SLC9B1: variants seen among roughly 807,000 people sequenced by gnomAD.
The protein encoded by SLC9B1 is solute carrier family 9 member B1.
Under a neutral mutation model 51.7 loss-of-function variants are expected in SLC9B1, and 32 were observed. The ratio of observed to expected loss-of-function variants is 0.62; its 90% confidence interval spans 0.47 to 0.83. The LOEUF is 0.83. Ranked by LOEUF, SLC9B1 falls within the 40% of genes least tolerant of loss-of-function variation. SLC9B1 has a pLI of 0.00. For synonymous variants in SLC9B1, 145 were observed against 212.7 expected, an observed-to-expected ratio of 0.68 and a Z score of 2.77; for missense variants, 406 against 613.2, an observed-to-expected ratio of 0.66 and a Z score of 3.57.
chr4:102,913,796 T>TAAAA (rs61244946), intron 7 of SLC9B1, among the ~76,000 whole-genome samples: 1 of 71,434 alleles, frequency 1.4e-5, no homozygotes, highest in Admixed American at 1.5e-4. Context: ...AGATAGAAAC[T>TAAAA]AAAAAAAAAA....
At position 102,910,975 on chromosome 4, in the gene SLC9B1, C is replaced by A. The variant is rs570257785; in HGVS notation, c.937-387G>T. On this transcript the variant is annotated intron_variant, in intron 8 of 11. Transcript: ENST00000296422. The stretch of plus-strand genomic sequence containing the variant: ...AATTTGGATGGAAATTACAGAAATA[C>A]AAAAGTAATGGCATGTTTTCCTTTA... 1.1e-4 allele frequency among the ~76,000 whole-genome samples: 17 copies of A among 152,236 alleles called. No homozygotes were observed. In the East Asian group the frequency reaches 3.1e-3, roughly 28 times the overall value.
intron 3 of SLC9B1, among the ~76,000 whole-genome samples, chr4:102,984,591 T>A (rs1739520911): frequency 6.6e-6 from 1 of 152,192 alleles, no homozygotes; most frequent in Non-Finnish European, 1.5e-5. Flanking sequence ...TTTATTAAGG[T>A]ATGTTTTATG....
At position 102,905,495 on chromosome 4, in the gene SLC9B1, A is replaced by C. The variant is rs1735000750; in HGVS notation, c.1332+19T>G. 6.3e-7 allele frequency: 1 copy of C among 1,592,524 alleles called. No homozygotes were observed. Among genetic ancestry groups the C allele is most frequent in the Non-Finnish European group, 8.5e-7 (1 of 1,171,506 alleles). Reference sequence around the variant, plus strand: ...CATCAAAATGAAAGCATTAAGCAACAGGCTTAATATGTTCTTACCTGTACT... The same window carrying C: ...CATCAAAATGAAAGCATTAAGCAACCGGCTTAATATGTTCTTACCTGTACT... On this transcript the variant is annotated intron_variant, in intron 11 of 11. Transcript: ENST00000296422.
At chr4:102,889,695 A>G (rs1734139660) in intron 11 of SLC9B1, 1 of 152,126 alleles carries the variant, frequency 6.6e-6, no homozygotes, top group Non-Finnish European at 1.5e-5. Flanking sequence ...ATCTTTTCCC[A>G]CCTGTGCACA....
intron 7 of SLC9B1, among the ~76,000 whole-genome samples, chr4:102,913,174 A>G (rs1735417618): frequency 6.6e-6 from 1 of 152,158 alleles, no homozygotes; most frequent in Non-Finnish European, 1.5e-5. Flanking sequence ...AGGGAAAGAG[A>G]AGACTGGAAC....
At chr4:102,935,568 G>A (rs1455675668) in intron 6 of SLC9B1, among the ~76,000 whole-genome samples, 1 of 152,130 alleles carries the variant, frequency 6.6e-6, no homozygotes, top group African/African-American at 2.4e-5. Flanking sequence ...GACATACAAT[G>A]TAGTCTTATA....
At chr4:102,989,699 T>C (rs1204752563) in intron 3 of SLC9B1, 101 bp downstream of exon 3, 4 of 680,184 alleles carry the variant, frequency 5.9e-6, no homozygotes, top group Non-Finnish European at 9.2e-6. Context: ...TCATCTGATC[T>C]GGAGTATATT....
At chr4:102,970,291 T>A (rs934774369) in intron 3 of SLC9B1, among the ~76,000 whole-genome samples, 5 of 152,202 alleles carry the variant, frequency 3.3e-5, no homozygotes, top group African/African-American at 1.2e-4. Flanking sequence ...GAAGATCTCT[T>A]GGCAGAAACC....
chr4:102,981,335 G>A (rs963795744), intron 3 of SLC9B1, among the ~76,000 whole-genome samples: 2 of 152,082 alleles, frequency 1.3e-5, no homozygotes, highest in African/African-American at 2.4e-5. Flanking sequence ...GTTTTTGTGC[G>A]GACTTAAGTT....
At chr4:102,916,537 G>A (rs970464138) in intron 7 of SLC9B1, among the ~76,000 whole-genome samples, 1 of 152,102 alleles carries the variant, frequency 6.6e-6, no homozygotes, top group Non-Finnish European at 1.5e-5. Context: ...CCAGACAGAA[G>A]ATCAACTGGA....
intron 1 of SLC9B1, among the ~76,000 whole-genome samples, 193 bp from the exon 2 acceptor site, chr4:102,991,905 G>T: frequency 6.6e-6 from 1 of 152,032 alleles, no homozygotes; most frequent in Non-Finnish European, 1.5e-5. Flanking sequence ...AAAGCCATAT[G>T]CATAAGTTTT....
chr4:102,972,076 G>T (rs562587470), intron 3 of SLC9B1, among the ~76,000 whole-genome samples: 59 of 152,192 alleles, frequency 3.9e-4, no homozygotes, highest in African/African-American at 1.3e-3. Flanking sequence ...AGAGGAGCTG[G>T]TACCATTCCT....
intron 3 of SLC9B1, among the ~76,000 whole-genome samples, chr4:102,976,322 T>C (rs1476095565): frequency 6.6e-6 from 1 of 152,216 alleles, no homozygotes; most frequent in African/African-American, 2.4e-5. Flanking sequence ...ATTGATTTAC[T>C]TTGAACTTCT....
chr4:102,927,579 A>G (rs1199832924), intron 7 of SLC9B1, among the ~76,000 whole-genome samples: 3 of 152,186 alleles, frequency 2.0e-5, no homozygotes, highest in African/African-American at 7.2e-5. Context: ...GAAACAACAG[A>G]TGCTGGAGAG....
intron 3 of SLC9B1, among the ~76,000 whole-genome samples, chr4:102,955,540 G>A (rs563615436): frequency 6.6e-6 from 1 of 152,116 alleles, no homozygotes; most frequent in Non-Finnish European, 1.5e-5. Context: ...TTGGTATGGA[G>A]TAGAGGGAAG....
chr4:102,974,242 G>GAA (rs141412944), intron 3 of SLC9B1, among the ~76,000 whole-genome samples: 13 of 53,454 alleles, frequency 2.4e-4, no homozygotes, highest in Non-Finnish European at 4.0e-4. Context: ...GTCTAAAATT[G>GAA]AAAAAAAAAA....
At chr4:102,929,371 T>A (rs1309037695) in intron 7 of SLC9B1, among the ~76,000 whole-genome samples, 1 of 152,204 alleles carries the variant, frequency 6.6e-6, no homozygotes, top group Non-Finnish European at 1.5e-5. Context: ...AGTAAATTAC[T>A]TAACATCTTT....
At chr4:102,941,752 C>T (rs536355877) in intron 6 of SLC9B1, among the ~76,000 whole-genome samples, 6 of 148,150 alleles carry the variant, frequency 4.0e-5, no homozygotes, top group Non-Finnish European at 8.9e-5. Flanking sequence ...TGGAACAAGA[C>T]AAGGATGCCC....
chr4:102,993,338 G>A (rs934775841), intron 1 of SLC9B1, among the ~76,000 whole-genome samples: 19 of 152,180 alleles, frequency 1.2e-4, no homozygotes, highest in African/African-American at 4.3e-4. Flanking sequence ...ATGCAAGTCC[G>A]AAATCCAATA....
Sources: allele counts gnomAD v4.1 joint callset (sites outside exome capture counted in the v4.1 genomes callset), GRCh38; gene constraint gnomAD v4.1.1; transcripts MANE v1.5; gene names NCBI Gene and HGNC (gene_info 2026-07-23, HGNC 2026-07-21).